Variants in PXDNL observed in about 807,000 individuals in gnomAD.
The protein encoded by PXDNL is probable oxidoreductase PXDNL.
In PXDNL, 145 loss-of-function variants were observed where a neutral mutation model predicts 150.8. The observed-to-expected ratio is 0.96, with a 90% CI of 0.84 to 1.10. The LOEUF (loss-of-function observed/expected upper bound fraction) is 1.10, where lower values mean the gene tolerates loss of function less well. Ranked by LOEUF, PXDNL falls within the 50% of genes least tolerant of loss-of-function variation. The probability of loss-of-function intolerance (pLI) is 0.00; values close to 1 mark genes in which losing one functional copy is unlikely to be tolerated. For synonymous variants in PXDNL, 757 were observed against 725.7 expected (o/e 1.04, Z -0.69); for missense variants, 2,087 against 1,873.9 (o/e 1.11, Z -2.10).
intron 1 of PXDNL, among the ~76,000 whole-genome samples, chr8:51,743,958 A>AAG (rs2036936641): frequency 1.8e-4 from 2 of 11,196 alleles, no homozygotes; most frequent in African/African-American, 2.6e-4. Flanking sequence ...GAGAGAAAGA[A>AAG]AAAAGAGAGA....
intron 17 of PXDNL, among the ~76,000 whole-genome samples, chr8:51,378,891 C>G (rs905866420): frequency 6.6e-6 from 1 of 152,208 alleles, no homozygotes; most frequent in Non-Finnish European, 1.5e-5. Flanking sequence ...GACACATCAC[C>G]TTTAAGAACT....
intron 1 of PXDNL, among the ~76,000 whole-genome samples, chr8:51,800,875 ATG>A (rs2129263202): frequency 6.6e-6 from 1 of 152,336 alleles, no homozygotes; most frequent in South Asian, 2.1e-4. Flanking sequence ...ATTATAGAAC[ATG>A]TGTTTGACAA....
At chr8:51,530,355 C>A (rs1811871954) in intron 4 of PXDNL, among the ~76,000 whole-genome samples, 1 of 152,064 alleles carries the variant, frequency 6.6e-6, no homozygotes, top group Non-Finnish European at 1.5e-5. Flanking sequence ...TACCTTCAAC[C>A]TAAATCCACA....
intron 17 of PXDNL, among the ~76,000 whole-genome samples, chr8:51,381,634 A>C (rs1439570810): frequency 9.8e-4 from 24 of 24,566 alleles, no homozygotes; most frequent in Non-Finnish European, 3.5e-3. Flanking sequence ...TTATTTATTT[A>C]TTTATTTATT....
At chr8:51,511,150 C>T (rs1811408452) in intron 4 of PXDNL, among the ~76,000 whole-genome samples, 1 of 152,140 alleles carries the variant, frequency 6.6e-6, no homozygotes, top group Non-Finnish European at 1.5e-5. Context: ...ACATGCAGGC[C>T]TGCACTCATC....
At chr8:51,744,115 A>AAGG (rs2036944726) in intron 1 of PXDNL, among the ~76,000 whole-genome samples, 8 of 112,422 alleles carry the variant, frequency 7.1e-5, no homozygotes, top group East Asian at 2.7e-4. Context: ...AGAAAGAAAG[A>AAGG]AAGAAAGGAA....
At chr8:51,634,127 T>G (rs1814551681) in intron 2 of PXDNL, among the ~76,000 whole-genome samples, 2 of 152,180 alleles carry the variant, frequency 1.3e-5, no homozygotes, top group Non-Finnish European at 2.9e-5. Context: ...ATCTGTATCT[T>G]TAGTGCAATT....
chr8:51,321,965 G>C (rs550096206), intron 21 of PXDNL, among the ~76,000 whole-genome samples: 170 of 152,014 alleles, frequency 1.1e-3, no homozygotes, highest in Middle Eastern at 6.8e-3. Flanking sequence ...ATGTAATTAA[G>C]GTTAAATTAG....
intron 2 of PXDNL, among the ~76,000 whole-genome samples, chr8:51,601,984 T>C (rs566856301): frequency 1.4e-3 from 211 of 152,208 alleles, no homozygotes; most frequent in African/African-American, 4.9e-3. Context: ...TTTATGAAGC[T>C]TATTTTGGTG....
At position 51,608,576 on chromosome 8, in the gene PXDNL, G is replaced by A. The variant is rs970382888; in HGVS notation, c.237-15878C>T. Reference sequence around the variant, plus strand: ...TTGCAGGCCGGGCGCGGTGGCTCACGCCTGTAATCCCAGCACTTTGGGAGG... The same window carrying A: ...TTGCAGGCCGGGCGCGGTGGCTCACACCTGTAATCCCAGCACTTTGGGAGG... On this transcript the variant is annotated intron_variant, in intron 2 of 22. Coordinates refer to ENST00000356297, the MANE Select transcript of PXDNL (RefSeq NM_144651.5). 1.8e-4 allele frequency among the ~76,000 whole-genome samples: 26 copies of A among 147,936 alleles called. 1 individual carries two copies. The highest frequency in any genetic ancestry group is 1.2e-3 in the East Asian group (6 of 5,106).
intron 1 of PXDNL, among the ~76,000 whole-genome samples, chr8:51,719,024 C>T (rs1445248565): frequency 6.6e-6 from 1 of 151,826 alleles, no homozygotes; most frequent in Non-Finnish European, 1.5e-5. Context: ...GCCGCCCCGT[C>T]CGGGAGGGAG....
chr8:51,643,894 C>T (rs943365661), intron 2 of PXDNL, among the ~76,000 whole-genome samples: 4 of 152,118 alleles, frequency 2.6e-5, no homozygotes, highest in Admixed American at 1.3e-4. Context: ...TGAACAGACA[C>T]TTCTCAAAAG....
intron 8 of PXDNL, among the ~76,000 whole-genome samples, chr8:51,466,218 A>G (rs1012068961): frequency 2.0e-5 from 3 of 152,184 alleles, no homozygotes; most frequent in Non-Finnish European, 4.4e-5. Flanking sequence ...CAAACAGAAC[A>G]GAATAGAGAA....
chr8:51,411,294 C>T lies in PXDNL; in HGVS notation c.2018G>A (p.Arg673Gln), dbSNP rs745683818. 5.8e-6 allele frequency: 9 copies of T among 1,557,598 alleles called. No individual in the cohort carries two copies. The highest frequency in any genetic ancestry group is 4.1e-5 in the Admixed American group (2 of 48,842). Residue 673 changes from arginine (R) to glutamine (Q), a missense_variant, in exon 16 of 23, where the codon CGG becomes CAG. Physicochemically the swap from Arg to Gln is conservative, Grantham distance 43. Coordinates refer to ENST00000356297, the MANE Select transcript of PXDNL (RefSeq NM_144651.5). ...AGTGAGCCCCTGCTTCACACGTTCCCGTATCAGCTGCAGCGTGTGCTCAAA... is the reference window on the plus strand; with the variant it reads ...AGTGAGCCCCTGCTTCACACGTTCCTGTATCAGCTGCAGCGTGTGCTCAAA... ...EIFEHTLQLI[R>Q]ERVKQGLTVD...
intron 1 of PXDNL, among the ~76,000 whole-genome samples, chr8:51,779,725 CA>C (rs1437005981): frequency 6.6e-6 from 1 of 152,224 alleles, no homozygotes; most frequent in East Asian, 1.9e-4. Flanking sequence ...AAGGCTGCCA[CA>C]TAATAGTTGG....
intron 12 of PXDNL, among the ~76,000 whole-genome samples, chr8:51,430,229 G>A (rs1041141638): frequency 6.6e-6 from 1 of 152,142 alleles, no homozygotes; most frequent in African/African-American, 2.4e-5. Context: ...TCCTCATTTG[G>A]ACTTTATCTA....
chr8:51,331,656 A>G (rs116751249), intron 21 of PXDNL, among the ~76,000 whole-genome samples: 6,484 of 152,072 alleles, frequency 0.043, 293 homozygotes, highest in African/African-American at 0.11. Context: ...CACGGTGGGA[A>G]TGGGACCGGC....
chr8:51,773,385 A>T (rs987736077), intron 1 of PXDNL, among the ~76,000 whole-genome samples: 2 of 152,186 alleles, frequency 1.3e-5, no homozygotes, highest in Admixed American at 1.3e-4. Context: ...CAGCCACAGG[A>T]CACAGACACA....
At chr8:51,444,176 T>C (rs1366951375) in intron 12 of PXDNL, among the ~76,000 whole-genome samples, 4 of 152,214 alleles carry the variant, frequency 2.6e-5, no homozygotes, top group Non-Finnish European at 4.4e-5. Context: ...AAACAAAGGA[T>C]ATAATGATAT....
Sources: gnomAD v4.1 joint callset for allele counts (sites outside exome capture counted in the v4.1 genomes callset) on GRCh38, gnomAD v4.1.1 for gene constraint, MANE v1.5 for transcripts, NCBI Gene and HGNC (gene_info 2026-07-23, HGNC 2026-07-21) for gene names.